ART3: variants seen among roughly 807,000 people sequenced by gnomAD.
ART3 encodes the protein ADP-ribosyltransferase 3 (inactive).
A neutral mutation model predicts 48.5 loss-of-function variants in ART3; 49 were observed. The observed-to-expected ratio is 1.01, with a 90% confidence interval of 0.80 to 1.28. ART3 has a LOEUF of 1.28. ART3 is among the 50% of genes most tolerant of loss of function. The pLI is 0.00. For synonymous variants in ART3, 145 were observed against 157.2 expected (o/e 0.92, Z 0.58); for missense variants, 438 against 454.3 (o/e 0.96, Z 0.33).
chr4:76,078,402 G>A (rs1195950569), intron 2 of ART3, among the ~76,000 whole-genome samples: 1 of 152,140 alleles, frequency 6.6e-6, no homozygotes, highest in Non-Finnish European at 1.5e-5. Context: ...TTGAAGTCTT[G>A]AAGATAAATC....
chr4:76,078,834 A>C (rs1221631385), intron 2 of ART3, among the ~76,000 whole-genome samples: 2 of 152,188 alleles, frequency 1.3e-5, no homozygotes, highest in Non-Finnish European at 2.9e-5. Context: ...TAATCCCAGC[A>C]CTTTGGGAGG....
At chr4:76,103,811 T>G in intron 8 of ART3, 126 bp from the exon 9 acceptor site, 1 of 861,732 alleles carries the variant, frequency 1.2e-6, no homozygotes, top group East Asian at 2.6e-5. Flanking sequence ...TTGCTGTTTC[T>G]TTTTTCTTTC....
At chr4:76,038,486 C>A (rs989643341) in intron 1 of ART3, among the ~76,000 whole-genome samples, 12 of 152,112 alleles carry the variant, frequency 7.9e-5, no homozygotes, top group African/African-American at 2.9e-4. Context: ...TCCTTCTTTT[C>A]CATTAATTCA....
chr4:76,038,759 G>A (rs1197348419), intron 1 of ART3, among the ~76,000 whole-genome samples: 2 of 152,096 alleles, frequency 1.3e-5, no homozygotes, highest in Non-Finnish European at 1.5e-5. Context: ...TTCTTGCTCT[G>A]TAGCCCAGGC....
intron 1 of ART3, among the ~76,000 whole-genome samples, chr4:76,023,685 T>C (rs1733102478): frequency 6.6e-6 from 1 of 152,158 alleles, no homozygotes; most frequent in Admixed American, 6.5e-5. Flanking sequence ...TCTGCTCCTC[T>C]TTTTTTGGTA....
chr4:76,048,057 G>A (rs946245713), intron 1 of ART3, among the ~76,000 whole-genome samples: 3 of 151,866 alleles, frequency 2.0e-5, no homozygotes, highest in African/African-American at 4.8e-5. Flanking sequence ...ATGGTCGTTT[G>A]GAGATTTCTT....
At chr4:76,068,862 T>G (rs1176797296) in intron 1 of ART3, among the ~76,000 whole-genome samples, 4 of 152,220 alleles carry the variant, frequency 2.6e-5, no homozygotes, top group Non-Finnish European at 1.5e-5. Flanking sequence ...TTTTTGTTTT[T>G]AAGAAATGAG....
At chr4:76,044,974 G>A (rs200706518) in intron 1 of ART3, among the ~76,000 whole-genome samples, 25 of 152,052 alleles carry the variant, frequency 1.6e-4, no homozygotes, top group African/African-American at 5.8e-4. Flanking sequence ...GGGCATGTAG[G>A]ATTAGATAAG....
At chr4:76,016,720 A>G (rs570457587) in intron 1 of ART3, among the ~76,000 whole-genome samples, 58 of 152,250 alleles carry the variant, frequency 3.8e-4, no homozygotes, top group African/African-American at 1.3e-3. Context: ...CAGGGACTGG[A>G]GTCAAAAACC....
At chr4:76,022,570 C>T (rs1732956454) in intron 1 of ART3, 2 of 1,476,112 alleles carry the variant, frequency 1.4e-6, no homozygotes, top group Admixed American at 1.8e-5. Context: ...TTTTTGTTTG[C>T]TGTACATTAG....
intron 2 of ART3, among the ~76,000 whole-genome samples, chr4:76,079,042 C>T (rs1721819475): frequency 6.6e-6 from 1 of 152,080 alleles, no homozygotes; most frequent in African/African-American, 2.4e-5. Flanking sequence ...AATAGTGCCA[C>T]TGCACTCCAG....
At chr4:76,101,112 T>C in intron 8 of ART3, 93 bp downstream of exon 8, 1 of 1,492,002 alleles carries the variant, frequency 6.7e-7, no homozygotes, top group Non-Finnish European at 9.2e-7. Context: ...GTAAGAAAAG[T>C]GGGAGGAAGG....
upstream of ART3, among the ~76,000 whole-genome samples, chr4:76,070,151 T>C (rs576730237): frequency 2.8e-3 from 422 of 149,384 alleles, no homozygotes; most frequent in African/African-American, 9.5e-3. Flanking sequence ...ACATACACTT[T>C]AATAATTTCT....
At chr4:76,103,169 A>AT (rs951614061) in intron 8 of ART3, among the ~76,000 whole-genome samples, 1 of 152,132 alleles carries the variant, frequency 6.6e-6, no homozygotes, top group African/African-American at 2.4e-5. Flanking sequence ...GAAATAATCT[A>AT]TTTACTGAGA....
rs1729700558 is a variant in ART3, at chr4:76,112,617, A to G, written c.*98A>G. 1 of 1,314,968 alleles carries G rather than the reference A, an allele frequency of 7.6e-7. No individual in the cohort carries two copies. Among genetic ancestry groups the G allele is most frequent in the African/African-American group, 1.5e-5 (1 of 66,982 alleles). 81.5% of individuals were successfully genotyped at this position (1,314,968 alleles called of 1,614,324 possible). On this transcript the variant is annotated 3_prime_UTR_variant, in exon 12 of 12. Transcript: ENST00000355810. ...TGATGTATTTTTTACGTGTTGGCCAAAGTCACTGGATAAAATGAGAATTGT... is the reference window on the plus strand; with the variant it reads ...TGATGTATTTTTTACGTGTTGGCCAGAGTCACTGGATAAAATGAGAATTGT...
chr4:76,108,147 T>C (rs1268873590), intron 11 of ART3, among the ~76,000 whole-genome samples: 1 of 151,792 alleles, frequency 6.6e-6, no homozygotes, highest in Non-Finnish European at 1.5e-5. Context: ...AACAAGTATT[T>C]TATAAAGTCC....
At chr4:76,045,391 A>T (rs1423490066) in intron 1 of ART3, among the ~76,000 whole-genome samples, 1 of 151,984 alleles carries the variant, frequency 6.6e-6, no homozygotes, top group African/African-American at 2.4e-5. Context: ...GATAGCCATA[A>T]ACTTCCTTTG....
intron 1 of ART3, among the ~76,000 whole-genome samples, chr4:76,013,217 T>C (rs1371412636): frequency 2.0e-5 from 3 of 152,110 alleles, no homozygotes; most frequent in South Asian, 4.2e-4. Flanking sequence ...CAAGAAGAAG[T>C]TGGGGGAATA....
At chr4:76,073,532 A>G (rs569056254), upstream of ART3, among the ~76,000 whole-genome samples, 1 of 152,234 alleles carries the variant, frequency 6.6e-6, no homozygotes, top group Non-Finnish European at 1.5e-5. Flanking sequence ...GGTGTATTTC[A>G]TGATAATTTA....
Sources: allele counts gnomAD v4.1 joint callset (sites outside exome capture counted in the v4.1 genomes callset), GRCh38; gene constraint gnomAD v4.1.1; transcripts MANE v1.5; gene names NCBI Gene and HGNC (gene_info 2026-07-23, HGNC 2026-07-21).